RPS6KA5: variants seen among roughly 807,000 people sequenced by gnomAD.
RPS6KA5 encodes the protein ribosomal protein S6 kinase A5, also known as ribosomal protein S6 kinase alpha-5.
In RPS6KA5, 27 loss-of-function variants were observed where a neutral mutation model predicts 85.5. The observed-to-expected ratio is 0.32, with a 90% CI of 0.23 to 0.44. The LOEUF is 0.44. Ranked by LOEUF, RPS6KA5 falls within the 20% of genes least tolerant of loss-of-function variation. RPS6KA5 has a pLI of 1.00. For synonymous variants in RPS6KA5, 334 were observed against 348.2 expected, an observed-to-expected ratio of 0.96 and a Z score of 0.46; for missense variants, 811 against 980.9, an observed-to-expected ratio of 0.83 and a Z score of 2.31.
intron 7 of RPS6KA5, among the ~76,000 whole-genome samples, chr14:90,907,536 T>C (rs920805426): frequency 1.3e-5 from 2 of 152,316 alleles, no homozygotes; most frequent in East Asian, 1.9e-4. Context: ...GGCAACCATA[T>C]AGAAAATAGG....
intron 3 of RPS6KA5, among the ~76,000 whole-genome samples, chr14:90,960,337 A>G (rs549035678): frequency 6.6e-6 from 1 of 152,290 alleles, no homozygotes; most frequent in African/African-American, 2.4e-5. Context: ...AATAAGACAA[A>G]ATATGTAAAA....
rs1361041516 is a variant in RPS6KA5, at chr14:90,852,756, G to A, written c.*19318C>T. On this transcript the variant is annotated 3_prime_UTR_variant, in exon 17 of 17. Coordinates refer to ENST00000614987, the MANE Select transcript of RPS6KA5 (RefSeq NM_004755.4). ...TTTTTTTTTTTTTTTTTGAGACAGA[G>A]TCTTGCTCTGTCGCCCAGGCTGGAG... 8.2e-6 allele frequency: 1 copy of A among 122,446 alleles called. No homozygotes were observed. Among genetic ancestry groups the A allele is most frequent in the African/African-American group, 3.1e-5 (1 of 32,164 alleles). 7.6% of individuals were successfully genotyped at this position (122,446 alleles called of 1,614,324 possible).
intron 2 of RPS6KA5, among the ~76,000 whole-genome samples, chr14:90,986,013 G>A (rs1035423885): frequency 6.6e-6 from 1 of 152,134 alleles, no homozygotes; most frequent in African/African-American, 2.4e-5. Context: ...TAAAAGGCTA[G>A]GGGGAGTATT....
chr14:91,056,039 G>A (rs2043302589), intron 1 of RPS6KA5, among the ~76,000 whole-genome samples: 1 of 152,252 alleles, frequency 6.6e-6, no homozygotes, highest in East Asian at 1.9e-4. Flanking sequence ...GAATCAAGAA[G>A]CTTCCTGTGT....
chr14:90,917,808 C>T (rs867333901), intron 7 of RPS6KA5, among the ~76,000 whole-genome samples: 1 of 152,166 alleles, frequency 6.6e-6, no homozygotes, highest in African/African-American at 2.4e-5. Flanking sequence ...GCAATCCCCC[C>T]ACCTCACCCT....
At chr14:90,888,777 T>A (rs891665010) in intron 14 of RPS6KA5, among the ~76,000 whole-genome samples, 5 of 152,212 alleles carry the variant, frequency 3.3e-5, no homozygotes, top group Non-Finnish European at 5.9e-5. Context: ...AGAAAAAGAC[T>A]GACATATCTT....
chr14:90,941,229 A>T lies in RPS6KA5; in HGVS notation c.618+1849T>A, dbSNP rs975259459. Among the ~76,000 whole-genome samples, 3 of 152,228 alleles carry T rather than the reference A, an allele frequency of 2.0e-5. No individual in the cohort carries two copies. In the South Asian group the frequency reaches 6.2e-4, roughly 32 times the overall value. On this transcript the variant is annotated intron_variant, in intron 5 of 16. Coordinates refer to ENST00000614987, the MANE Select transcript of RPS6KA5 (RefSeq NM_004755.4). Reference sequence around the variant, plus strand: ...ATACAGTCACAAAACTATTTTTTTTAAATGTGGCATCATTACAAACATGCT... The same window carrying T: ...ATACAGTCACAAAACTATTTTTTTTTAATGTGGCATCATTACAAACATGCT...
intron 14 of RPS6KA5, among the ~76,000 whole-genome samples, chr14:90,885,541 A>T: frequency 1.0e-5 from 1 of 99,190 alleles, no homozygotes; most frequent in Non-Finnish European, 1.9e-5. Context: ...CGACAGAGCG[A>T]GACTCCGTCT....
chr14:91,060,030 G>A (rs1355165565), intron 1 of RPS6KA5: 3 of 985,150 alleles, frequency 3.0e-6, no homozygotes, highest in Non-Finnish European at 3.6e-6. Context: ...GTGCGGGAAG[G>A]GGGAGCAGCG....
rs145004746 is a variant in RPS6KA5 at position 90,926,179 on chromosome 14, C to A, written c.619-2983G>T. On this transcript the variant is annotated intron_variant, in intron 5 of 16. Coordinates refer to ENST00000614987, the MANE Select transcript of RPS6KA5 (RefSeq NM_004755.4). The stretch of plus-strand genomic sequence containing the variant: ...CAGCACTCTGGGAGGCTAAGGTGAG[C>A]GGATCACTTGAGGTCAGGAGTTCGA... Among the ~76,000 whole-genome samples, 707 of 151,740 alleles carry A rather than the reference C, an allele frequency of 4.7e-3. 4 individuals carry two copies. Among genetic ancestry groups the A allele is most frequent in the Middle Eastern group, 0.028 (8 of 288 alleles).
chr14:90,974,117 T>C (rs997774885), intron 3 of RPS6KA5, among the ~76,000 whole-genome samples: 16 of 150,008 alleles, frequency 1.1e-4, no homozygotes, highest in Admixed American at 3.3e-4. Flanking sequence ...TATAACCTTA[T>C]GATGAAGGGA....
chr14:90,945,995 A>G (rs1877515292), intron 4 of RPS6KA5, among the ~76,000 whole-genome samples: 1 of 152,126 alleles, frequency 6.6e-6, no homozygotes, highest in South Asian at 2.1e-4. Context: ...TACTCACTGG[A>G]GCTATTCATT....
chr14:91,009,269 C>G (rs2140632683), intron 1 of RPS6KA5, among the ~76,000 whole-genome samples: 1 of 152,338 alleles, frequency 6.6e-6, no homozygotes, highest in South Asian at 2.1e-4. Context: ...CTAGAGCGAG[C>G]CTGCTGGCCC....
intron 1 of RPS6KA5, among the ~76,000 whole-genome samples, chr14:91,020,191 GT>G (rs1435631400): frequency 3.3e-3 from 106 of 31,814 alleles, no homozygotes; most frequent in Non-Finnish European, 4.5e-3. Flanking sequence ...GTTTATGTGG[GT>G]GTGTGTGTGT....
intron 9 of RPS6KA5, among the ~76,000 whole-genome samples, chr14:90,901,363 C>G (rs930678147): frequency 2.3e-4 from 35 of 152,210 alleles, no homozygotes; most frequent in African/African-American, 7.2e-4. Context: ...AAGGCCTGAG[C>G]CACCAGACCC....
At chr14:91,033,348 C>T (rs2042268809) in intron 1 of RPS6KA5, among the ~76,000 whole-genome samples, 1 of 152,160 alleles carries the variant, frequency 6.6e-6, no homozygotes, top group African/African-American at 2.4e-5. Flanking sequence ...GGCACTGTGG[C>T]TCACACCTGG....
intron 3 of RPS6KA5, among the ~76,000 whole-genome samples, chr14:90,972,608 G>A (rs2039373685): frequency 6.6e-6 from 1 of 152,156 alleles, no homozygotes; most frequent in Admixed American, 6.6e-5. Context: ...ATGGATCCAA[G>A]TTCTCTATGC....
intron 5 of RPS6KA5, among the ~76,000 whole-genome samples, chr14:90,936,513 G>A (rs911099729): frequency 3.9e-5 from 6 of 151,950 alleles, no homozygotes; most frequent in South Asian, 2.1e-4. Flanking sequence ...GCAGTGAGCC[G>A]ATCTTGCCAC....
intron 3 of RPS6KA5, among the ~76,000 whole-genome samples, chr14:90,975,095 A>G (rs752665763): frequency 9.9e-5 from 15 of 152,166 alleles, no homozygotes; most frequent in Non-Finnish European, 2.2e-4. Context: ...GGTAGTGAAA[A>G]TAAGTTTTTA....
Sources: gnomAD v4.1 joint callset for allele counts (sites outside exome capture counted in the v4.1 genomes callset) on GRCh38, gnomAD v4.1.1 for gene constraint, MANE v1.5 for transcripts, NCBI Gene and HGNC (gene_info 2026-07-23, HGNC 2026-07-21) for gene names.